Variants in CCSER1 observed in about 807,000 individuals in gnomAD.
The protein encoded by CCSER1 is coiled-coil serine rich protein 1.
A neutral mutation model predicts 82.0 loss-of-function variants in CCSER1; 41 were observed. The ratio of observed to expected loss-of-function variants is 0.50; its 90% confidence interval spans 0.39 to 0.65. The LOEUF is 0.65. Ranked by LOEUF, CCSER1 falls within the 30% of genes least tolerant of loss-of-function variation. The probability of loss-of-function intolerance (pLI) is 0.00; values close to 1 mark genes in which losing one functional copy is unlikely to be tolerated. For synonymous variants in CCSER1, 414 were observed against 383.9 expected (o/e 1.08, Z -0.92); for missense variants, 1,119 against 1,064.2 (o/e 1.05, Z -0.72).
chr4:90,780,412 G>T, intron 7 of CCSER1: 1 of 1,601,346 alleles, frequency 6.2e-7, no homozygotes, highest in Non-Finnish European at 8.5e-7. Flanking sequence ...AGAATATAAG[G>T]ACTGTTATTT....
chr4:90,786,580 G>A (rs1172592249), intron 7 of CCSER1, among the ~76,000 whole-genome samples: 1 of 151,952 alleles, frequency 6.6e-6, no homozygotes, highest in African/African-American at 2.4e-5. Flanking sequence ...ATATTTTCAG[G>A]TTTTTCATTT....
Position 90,434,122 on chromosome 4 carries a change from C to T in CCSER1, c.1603+33993C>T, listed in dbSNP as rs565212681. 1.8e-4 allele frequency among the ~76,000 whole-genome samples: 28 copies of T among 152,068 alleles called. No individual in the cohort carries two copies. The South Asian group carries it at 5.6e-3, about 30-fold the overall frequency. ...TTTGAATTTTATTTGTCTTTTATAT[C>T]TGTCATATTGTCCTTAACAGAATTC... On this transcript the variant is annotated intron_variant, in intron 4 of 10. Transcript: ENST00000509176.
At chr4:91,049,563 G>A (rs116568079) in intron 9 of CCSER1, among the ~76,000 whole-genome samples, 14 of 152,238 alleles carry the variant, frequency 9.2e-5, no homozygotes, top group African/African-American at 2.9e-4. Flanking sequence ...TTTTAACTGA[G>A]TGAAGAGCTA....
intron 10 of CCSER1, among the ~76,000 whole-genome samples, chr4:91,099,262 T>C (rs937729115): frequency 3.9e-5 from 6 of 152,254 alleles, no homozygotes; most frequent in East Asian, 1.9e-4. Flanking sequence ...GTGATGACAA[T>C]TTTTTGGGAA....
intron 10 of CCSER1, among the ~76,000 whole-genome samples, chr4:91,115,001 T>C (rs537443655): frequency 3.3e-5 from 5 of 152,338 alleles, no homozygotes; most frequent in African/African-American, 1.2e-4. Context: ...AATTAAATTA[T>C]ATAAATTGGA....
intron 10 of CCSER1, among the ~76,000 whole-genome samples, chr4:91,577,784 A>T (rs1374813360): frequency 6.6e-6 from 1 of 152,068 alleles, no homozygotes; most frequent in Non-Finnish European, 1.5e-5. Context: ...GTGTCATAAA[A>T]ATTAAACTTC....
intron 10 of CCSER1, among the ~76,000 whole-genome samples, chr4:91,291,656 C>G (rs547424229): frequency 6.6e-6 from 1 of 151,954 alleles, no homozygotes; most frequent in Non-Finnish European, 1.5e-5. Flanking sequence ...AGAACAGCAC[C>G]AAGGGGACGG....
At chr4:91,189,288 C>A (rs1476220373) in intron 10 of CCSER1, among the ~76,000 whole-genome samples, 1 of 151,936 alleles carries the variant, frequency 6.6e-6, no homozygotes, top group Non-Finnish European at 1.5e-5. Context: ...TAGGTAGAAT[C>A]CAAGTATTCT....
At chr4:91,224,758 A>G (rs1738016366) in intron 10 of CCSER1, among the ~76,000 whole-genome samples, 1 of 152,020 alleles carries the variant, frequency 6.6e-6, no homozygotes, top group African/African-American at 2.4e-5. Flanking sequence ...GGCATTAAAC[A>G]TGAGAATATT....
chr4:90,388,901 G>T (rs1179076549), intron 3 of CCSER1, among the ~76,000 whole-genome samples: 1 of 152,226 alleles, frequency 6.6e-6, no homozygotes, highest in Non-Finnish European at 1.5e-5. Context: ...CTCCCAAAGT[G>T]CTGGGAGTAC....
intron 9 of CCSER1, among the ~76,000 whole-genome samples, chr4:91,026,586 T>A (rs1213313539): frequency 6.6e-6 from 1 of 152,134 alleles, no homozygotes; most frequent in African/African-American, 2.4e-5. Context: ...TCATGAGATG[T>A]TCCAAATCCA....
chr4:90,264,929 A>C (rs929897686), intron 1 of CCSER1, among the ~76,000 whole-genome samples: 39 of 151,964 alleles, frequency 2.6e-4, no homozygotes, highest in Admixed American at 4.6e-4. Context: ...ACTAAACATA[A>C]CCCATTTTCC....
chr4:90,811,742 GA>G (rs1758321316), intron 7 of CCSER1, among the ~76,000 whole-genome samples: 1 of 152,028 alleles, frequency 6.6e-6, no homozygotes, highest in African/African-American at 2.4e-5. Context: ...AGAGGATGTT[GA>G]ATTGGAGTGT....
chr4:91,063,371 C>T (rs1055146167), intron 9 of CCSER1, among the ~76,000 whole-genome samples: 1 of 152,044 alleles, frequency 6.6e-6, no homozygotes, highest in Non-Finnish European at 1.5e-5. Context: ...GCCTGGCTCA[C>T]GACACACACT....
chr4:91,411,505 T>TATATATATAC (rs1560650403), intron 10 of CCSER1, among the ~76,000 whole-genome samples: 1 of 65,776 alleles, frequency 1.5e-5, no homozygotes, highest in African/African-American at 5.0e-5. Context: ...TATATATATA[T>TATATATATAC]ATATATATAT....
At chr4:91,287,816 T>C (rs149211597) in intron 10 of CCSER1, among the ~76,000 whole-genome samples, 25 of 151,958 alleles carry the variant, frequency 1.6e-4, no homozygotes, top group African/African-American at 5.3e-4. Flanking sequence ...AATAGATAGC[T>C]AGAAAGAGGG....
chr4:90,792,635 T>C (rs1755419865), intron 7 of CCSER1, among the ~76,000 whole-genome samples: 1 of 152,196 alleles, frequency 6.6e-6, no homozygotes, highest in African/African-American at 2.4e-5. Context: ...CTCAGACAGA[T>C]AAAAGGCAGA....
intron 4 of CCSER1, among the ~76,000 whole-genome samples, chr4:90,438,971 G>A (rs1241799290): frequency 6.6e-6 from 1 of 152,050 alleles, no homozygotes; most frequent in African/African-American, 2.4e-5. Context: ...TTTTAAAACT[G>A]GCATGCTATT....
chr4:91,432,175 G>T (rs1379134434), intron 10 of CCSER1, among the ~76,000 whole-genome samples: 1 of 152,146 alleles, frequency 6.6e-6, no homozygotes, highest in Non-Finnish European at 1.5e-5. Flanking sequence ...CTTCCTCTGT[G>T]ATTGTAAGTT....
Sources: gnomAD v4.1 joint callset for allele counts (sites outside exome capture counted in the v4.1 genomes callset) on GRCh38, gnomAD v4.1.1 for gene constraint, MANE v1.5 for transcripts, NCBI Gene and HGNC (gene_info 2026-07-23, HGNC 2026-07-21) for gene names.